The following PPAT variants were observed in gnomAD, a reference collection of about 807,000 sequenced individuals.
The protein encoded by PPAT is amidophosphoribosyltransferase.
A neutral mutation model predicts 60.2 loss-of-function variants in PPAT; 20 were observed. That is an observed-to-expected ratio of 0.33 (90% CI 0.23 to 0.48). The LOEUF is 0.48. Ranked by LOEUF, PPAT falls within the 20% of genes least tolerant of loss-of-function variation. PPAT has a pLI of 0.99. For missense variants in PPAT, 349 were observed against 629.6 expected (o/e 0.55, Z 4.77); for synonymous variants, 194 against 215.1 (o/e 0.90, Z 0.86).
At chr4:56,412,171 C>T (rs531795526) in intron 1 of PPAT, among the ~76,000 whole-genome samples, 68 of 152,268 alleles carry the variant, frequency 4.5e-4, no homozygotes, top group African/African-American at 1.2e-3. Context: ...GGATCTTCAG[C>T]GCTTTCAGGT....
intron 1 of PPAT, among the ~76,000 whole-genome samples, chr4:56,431,254 G>A (rs1003377737): frequency 6.6e-6 from 1 of 152,162 alleles, no homozygotes; most frequent in Non-Finnish European, 1.5e-5. Flanking sequence ...GATATTCCCT[G>A]CCTTAATTTG....
intron 1 of PPAT, among the ~76,000 whole-genome samples, chr4:56,418,698 C>T (rs1716895717): frequency 6.6e-6 from 1 of 152,124 alleles, no homozygotes; most frequent in African/African-American, 2.4e-5. Context: ...AGTTAATGTG[C>T]TTGTAAGTTT....
chr4:56,431,737 T>C (rs1413770204), intron 1 of PPAT, among the ~76,000 whole-genome samples: 1 of 152,218 alleles, frequency 6.6e-6, no homozygotes, highest in Non-Finnish European at 1.5e-5. Context: ...TCTTCAAATA[T>C]GTCCAGGCCA....
chr4:56,403,434 G>C lies in PPAT; in HGVS notation c.403-33C>G, dbSNP rs758460368. 6.1e-5 allele frequency: 93 copies of C among 1,530,520 alleles called. 1 individual carries two copies. The South Asian group carries it at 9.5e-4, about 16-fold the overall frequency. The allele number at this position is 1,530,520 out of a possible 1,614,324, so 94.8% of individuals were successfully genotyped here. On this transcript the variant is annotated intron_variant, in intron 3 of 10. Transcript: ENST00000264220. ...GAAAAAAAGAGAAGTTTAATCATCA[G>C]AGGGGAAGCTCCACCCCACCCCAAA...
Position 56,429,508 on chromosome 4 carries a change from A to G in PPAT, c.128+5842T>C, listed in dbSNP as rs144642604. Among the ~76,000 whole-genome samples the G allele has an allele frequency of 3.0e-3, 454 of 152,342 alleles. 1 individual carries two copies. The highest frequency in any genetic ancestry group is 5.2e-3 in the Non-Finnish European group (352 of 68,026). ...CAGAAAAGATAATATAATGCAATATAGCATGTAGAAGAAAGAAAATGCACA... is the reference window on the plus strand; with the variant it reads ...CAGAAAAGATAATATAATGCAATATGGCATGTAGAAGAAAGAAAATGCACA... On this transcript the variant is annotated intron_variant, in intron 1 of 10. Coordinates refer to ENST00000264220, the MANE Select transcript of PPAT (RefSeq NM_002703.5).
At chr4:56,399,061 TAAAA>T in intron 9 of PPAT, 114 bp downstream of exon 9, 1 of 839,486 alleles carries the variant, frequency 1.2e-6, no homozygotes, top group Non-Finnish European at 1.9e-6. Flanking sequence ...ACCAAACTGA[TAAAA>T]AAAGTTAATT....
intron 1 of PPAT, among the ~76,000 whole-genome samples, chr4:56,413,680 G>C (rs1319950084): frequency 1.1e-4 from 17 of 151,984 alleles, no homozygotes; most frequent in Admixed American, 1.1e-3. Flanking sequence ...TGGATCACCT[G>C]AGGTCAGGAG....
intron 8 of PPAT, 120 bp downstream of exon 8, chr4:56,400,664 C>T (rs1716087724): frequency 8.9e-7 from 1 of 1,125,816 alleles, no homozygotes; most frequent in African/African-American, 1.6e-5. Context: ...AACAAACCAA[C>T]ATTAACCACC....
Position 56,396,535 on chromosome 4 carries a change from TC to T in PPAT, c.1357+83del. The T allele has an allele frequency of 7.6e-7, 1 of 1,309,024 alleles. No individual in the cohort carries two copies. The highest frequency in any genetic ancestry group is 1.4e-5 in the South Asian group (1 of 73,474). The allele number at this position is 1,309,024 out of a possible 1,614,324, so 81.1% of individuals were successfully genotyped here. ...ACTACTTTTAACAAACACTGAATAC[TC>T]CTTTTTACTAAAGGTGTAAAGACTG... On this transcript the variant is annotated intron_variant, in intron 10 of 10. Transcript: ENST00000264220. This position sits in a 1 kb window ranked among gnomAD's most constrained non-coding sequence, Gnocchi z 4.6.
At chr4:56,413,679 T>G (rs1716579690) in intron 1 of PPAT, among the ~76,000 whole-genome samples, 1 of 152,026 alleles carries the variant, frequency 6.6e-6, no homozygotes, top group African/African-American at 2.4e-5. Flanking sequence ...GTGGATCACC[T>G]GAGGTCAGGA....
chr4:56,403,932 T>C, intron 3 of PPAT: 2 of 370,078 alleles, frequency 5.4e-6, no homozygotes, highest in Non-Finnish European at 1.1e-5. Context: ...CAGGTGGTAA[T>C]AGTGAGCGAT....
intron 1 of PPAT, among the ~76,000 whole-genome samples, chr4:56,417,835 G>GTTTTTTTTTTTTTTTTTTTTTTTTT (rs1207160039): frequency 6.8e-5 from 7 of 102,526 alleles, no homozygotes; most frequent in African/African-American, 2.4e-4. Context: ...TGAAGATTTG[G>GTTTTTTTTTTTTTTTTTTTTTTTTT]TTTTTTGTTT....
chr4:56,428,574 G>C (rs766133484), intron 1 of PPAT, among the ~76,000 whole-genome samples: 1 of 151,952 alleles, frequency 6.6e-6, no homozygotes. Context: ...TGCATCCTAA[G>C]AAAACCAACT....
chr4:56,432,319 G>C (rs916494513), intron 1 of PPAT, among the ~76,000 whole-genome samples: 1 of 152,026 alleles, frequency 6.6e-6, no homozygotes, highest in African/African-American at 2.4e-5. Flanking sequence ...CTTGAGGCCA[G>C]GAGTTCAAGA....
In PPAT at chr4:56,406,637, A is replaced by C; in HGVS notation, c.260T>G (p.Leu87Arg). The change falls in exon 3 of 11, where the codon CTT (leucine) becomes CGT (arginine). Residue 87 changes from leucine (L) to arginine (R), a missense_variant. Physicochemically the swap from Leu to Arg is moderately radical, Grantham distance 102. Around this residue, in one of 5 missense-constraint regions of PPAT, gnomAD observed 115 missense variants for 174.5 expected, o/e 0.66. Transcript: ENST00000264220. ...DNLKKLYVSNLGIGHTRYATT... is the reference protein window; with the variant it reads ...DNLKKLYVSNRGIGHTRYATT... ...GGCATACCTGGTGTGTCCAATTCCA[A>C]GATTTGAAACATATAATTTTTTCAA... The C allele has an allele frequency of 6.2e-7, 1 of 1,613,218 alleles. No homozygotes were observed. Among genetic ancestry groups the C allele is most frequent in the Non-Finnish European group, 8.5e-7 (1 of 1,179,166 alleles).
chr4:56,425,679 T>C (rs975606843), intron 1 of PPAT, among the ~76,000 whole-genome samples: 2 of 152,174 alleles, frequency 1.3e-5, no homozygotes, highest in Non-Finnish European at 2.9e-5. Flanking sequence ...TCTAGGTGGG[T>C]TCCCAGATAG....
chr4:56,416,479 T>A (rs911234745), intron 1 of PPAT: 9 of 249,448 alleles, frequency 3.6e-5, no homozygotes, highest in African/African-American at 2.1e-4. Context: ...CTGATCTAAT[T>A]TCAAACGGAA....
Position 56,435,583 on chromosome 4 carries a change from GGC to G in PPAT, c.-108_-107del, listed in dbSNP as rs1717866899. The G allele has an allele frequency of 1.9e-6, 3 of 1,576,184 alleles. No homozygotes were observed. The African/African-American group carries it at 4.0e-5, about 21-fold the overall frequency. ...AGCTCAGAAGCTCGCGCTCGCGACA[GGC>G]TCTTCCTTCCCGAGGGTGGCCCCAG... On this transcript the variant is annotated 5_prime_UTR_variant, in exon 1 of 11. Transcript: ENST00000264220.
At chr4:56,414,459 T>C (rs991921548) in intron 1 of PPAT, 5 of 152,248 alleles carry the variant, frequency 3.3e-5, no homozygotes, top group African/African-American at 1.2e-4. Context: ...CTTTGGCCTA[T>C]GGCTGCCAAA....
Sources: gnomAD v4.1 joint callset for allele counts (sites outside exome capture counted in the v4.1 genomes callset) on GRCh38, gnomAD v4.1.1 for gene constraint, gnomAD v4.1.1 regional missense constraint, Gnocchi (gnomAD v3.1) non-coding constraint, MANE v1.5 for transcripts, NCBI Gene and HGNC (gene_info 2026-07-23, HGNC 2026-07-21) for gene names.